Variants in PTPN5 observed in about 807,000 individuals in gnomAD.
PTPN5 encodes protein tyrosine phosphatase non-receptor type 5, also known as tyrosine-protein phosphatase non-receptor type 5.
A neutral mutation model predicts 73.9 loss-of-function variants in PTPN5; 29 were observed. The observed-to-expected ratio is 0.39, with a 90% CI of 0.29 to 0.54. The LOEUF is 0.54. Ranked by LOEUF, PTPN5 falls within the 20% of genes least tolerant of loss-of-function variation. The pLI, the probability that PTPN5 is intolerant of heterozygous loss-of-function variation, is 0.65. For missense variants in PTPN5, 652 were observed against 751.4 expected (o/e 0.87, Z 1.55); for synonymous variants, 267 against 304.7 (o/e 0.88, Z 1.29).
chr11:18,767,012 T>A (rs7936782), intron 2 of PTPN5, among the ~76,000 whole-genome samples: 15,794 of 152,248 alleles, frequency 0.1, 2,463 homozygotes, highest in African/African-American at 0.34. Context: ...CAATATGCCC[T>A]TCAAGACCAT....
intron 3 of PTPN5, among the ~76,000 whole-genome samples, chr11:18,747,855 G>C (rs1286256063): frequency 1.3e-5 from 2 of 152,198 alleles, no homozygotes; most frequent in Non-Finnish European, 2.9e-5. Flanking sequence ...ATGAGATAGA[G>C]ATCATAGAGC....
intron 3 of PTPN5, among the ~76,000 whole-genome samples, chr11:18,753,338 C>T (rs148044485): frequency 1.2e-4 from 19 of 152,298 alleles, no homozygotes; most frequent in Non-Finnish European, 2.5e-4. Flanking sequence ...CCTCAGGGGG[C>T]CTTCCAAGTG....
intron 2 of PTPN5, among the ~76,000 whole-genome samples, chr11:18,767,736 C>A (rs1003605884): frequency 6.6e-6 from 1 of 152,212 alleles, no homozygotes; most frequent in African/African-American, 2.4e-5. Context: ...TATCACATAA[C>A]CTTTCTTGAA....
intron 1 of PTPN5, among the ~76,000 whole-genome samples, chr11:18,773,921 G>A (rs937101450): frequency 1.6e-4 from 24 of 152,106 alleles, no homozygotes; most frequent in African/African-American, 5.1e-4. Flanking sequence ...CATCACCCCC[G>A]TGACCATGAA....
chr11:18,782,447 C>T (rs551772366), intron 1 of PTPN5, among the ~76,000 whole-genome samples: 25 of 152,224 alleles, frequency 1.6e-4, no homozygotes, highest in African/African-American at 5.8e-4. Flanking sequence ...AGGCTGGTCT[C>T]GAACTCCTGA....
At chr11:18,761,231 C>G (rs1053776090) in intron 3 of PTPN5, among the ~76,000 whole-genome samples, 4 of 152,218 alleles carry the variant, frequency 2.6e-5, no homozygotes, top group African/African-American at 9.6e-5. Context: ...TTGCTCTATT[C>G]CATGTGCTGG....
At chr11:18,734,096 G>A (rs1251762110) in intron 9 of PTPN5, among the ~76,000 whole-genome samples, 1 of 151,778 alleles carries the variant, frequency 6.6e-6, no homozygotes, top group Non-Finnish European at 1.5e-5. Context: ...AGGCAAAGAT[G>A]CCTACTTGCT....
At chr11:18,775,989 T>C (rs1272743504) in intron 1 of PTPN5, among the ~76,000 whole-genome samples, 1 of 152,100 alleles carries the variant, frequency 6.6e-6, no homozygotes, top group Non-Finnish European at 1.5e-5. Flanking sequence ...CTGTGGATGG[T>C]CCTACCTGAT....
At position 18,759,997 on chromosome 11, in the gene PTPN5, G is replaced by A. The variant is rs558814353; in HGVS notation, c.97+5810C>T. On this transcript the variant is annotated intron_variant, in intron 3 of 14. Transcript: ENST00000358540. Reference sequence around the variant, plus strand: ...CAGCAGGTTCCTGAAGACATGAATCGAGACCCTATTCATGTTCTAGGTCAC... The same window carrying A: ...CAGCAGGTTCCTGAAGACATGAATCAAGACCCTATTCATGTTCTAGGTCAC... Among the ~76,000 whole-genome samples, 5 of 152,158 alleles carry A rather than the reference G, an allele frequency of 3.3e-5. No homozygotes were observed. In the South Asian group the frequency reaches 6.2e-4, roughly 19 times the overall value.
intron 1 of PTPN5, among the ~76,000 whole-genome samples, chr11:18,776,429 C>T (rs939052421): frequency 1.4e-4 from 22 of 152,118 alleles, no homozygotes; most frequent in African/African-American, 2.2e-4. Flanking sequence ...CCCCTCCATA[C>T]GGTCATTATC....
At chr11:18,746,073 T>C (rs1849604960) in intron 3 of PTPN5, among the ~76,000 whole-genome samples, 1 of 150,054 alleles carries the variant, frequency 6.7e-6, no homozygotes, top group South Asian at 2.1e-4. Context: ...GAGTGAATGA[T>C]GATGGGCAAA....
At chr11:18,765,596 G>A (rs918372536) in intron 3 of PTPN5, among the ~76,000 whole-genome samples, 8 of 152,176 alleles carry the variant, frequency 5.3e-5, no homozygotes, top group African/African-American at 1.9e-4. Flanking sequence ...CCCTCCATGT[G>A]AGCCTAGAGC....
At chr11:18,788,387 T>TC (rs1260764446) in intron 1 of PTPN5, among the ~76,000 whole-genome samples, 1 of 152,004 alleles carries the variant, frequency 6.6e-6, no homozygotes, top group Non-Finnish European at 1.5e-5. Context: ...GCAGTCAATG[T>TC]CCCCCCAATA....
intron 9 of PTPN5, among the ~76,000 whole-genome samples, chr11:18,734,200 G>A (rs1259442994): frequency 1.3e-5 from 2 of 152,242 alleles, no homozygotes; most frequent in Non-Finnish European, 2.9e-5. Context: ...TAAGATTCGG[G>A]AGTAGAAAGT....
intron 9 of PTPN5, 108 bp downstream of exon 9, chr11:18,737,772 T>G: frequency 1.0e-6 from 1 of 968,644 alleles, no homozygotes; most frequent in Non-Finnish European, 1.7e-6. Flanking sequence ...TCCCACCTCC[T>G]CCAGTCCTGT....
intron 3 of PTPN5, among the ~76,000 whole-genome samples, chr11:18,759,166 AC>A (rs1850279994): frequency 6.6e-6 from 1 of 152,104 alleles, no homozygotes; most frequent in Non-Finnish European, 1.5e-5. Context: ...GAAAGAAAAA[AC>A]ACAAAGGAAA....
intron 3 of PTPN5, among the ~76,000 whole-genome samples, chr11:18,746,196 T>TATATATATACACA (rs1162694331): frequency 2.2e-4 from 18 of 80,522 alleles, no homozygotes; most frequent in Non-Finnish European, 4.7e-4. Context: ...TATATATACA[T>TATATATATACACA]TTTTTTTTTT....
intron 3 of PTPN5, 94 bp from the exon 4 acceptor site, chr11:18,744,293 A>G: frequency 8.9e-7 from 1 of 1,123,540 alleles, no homozygotes; most frequent in Non-Finnish European, 1.2e-6. Context: ...CTGCCTCTCA[A>G]TCTGGGATCA....
chr11:18,775,869 G>C (rs528517431), intron 1 of PTPN5, among the ~76,000 whole-genome samples: 2 of 152,292 alleles, frequency 1.3e-5, no homozygotes, highest in Non-Finnish European at 2.9e-5. Flanking sequence ...AACCAGCAGA[G>C]GGCGCTCACA....
Sources: gnomAD v4.1 joint callset for allele counts (sites outside exome capture counted in the v4.1 genomes callset) on GRCh38, gnomAD v4.1.1 for gene constraint, MANE v1.5 for transcripts, NCBI Gene and HGNC (gene_info 2026-07-23, HGNC 2026-07-21) for gene names.